The following KHDRBS2 variants were observed in gnomAD, a reference collection of about 807,000 sequenced individuals.
KHDRBS2 encodes the protein KH domain-containing, RNA-binding, signal transduction-associated protein 2.
Under a neutral mutation model 44.3 loss-of-function variants are expected in KHDRBS2, and 26 were observed. That is an observed-to-expected ratio of 0.59 (90% CI 0.43 to 0.81). The LOEUF (loss-of-function observed/expected upper bound fraction) is 0.81, where lower values mean the gene tolerates loss of function less well. Ranked by LOEUF, KHDRBS2 falls within the 40% of genes least tolerant of loss-of-function variation. The pLI is 0.00. For synonymous variants in KHDRBS2, 194 were observed against 151.1 expected (o/e 1.28, Z -2.08); for missense variants, 476 against 433.1 (o/e 1.10, Z -0.88).
rs186963278 is a variant in KHDRBS2, at chr6:62,088,401, G to A, written c.220-40407C>T. 1.9e-3 allele frequency among the ~76,000 whole-genome samples: 282 copies of A among 152,170 alleles called. 10 individuals are homozygous for A. The South Asian group carries it at 0.053, about 28-fold the overall frequency. On this transcript the variant is annotated intron_variant, in intron 2 of 8. Coordinates refer to ENST00000281156, the MANE Select transcript of KHDRBS2 (RefSeq NM_152688.4). ...GAGTTTTTGCATGGTCATTCTTTTC[G>A]TTGATGGTGATGCTATTGTTTTCTG... is the stretch of plus-strand genomic sequence containing the variant.
intron 4 of KHDRBS2, among the ~76,000 whole-genome samples, chr6:61,944,755 T>C (rs1413474950): frequency 6.6e-6 from 1 of 152,022 alleles, no homozygotes; most frequent in Non-Finnish European, 1.5e-5. Context: ...TAAAAAATAC[T>C]CACATGGACC....
At chr6:61,782,455 C>T (rs865936464) in intron 6 of KHDRBS2, among the ~76,000 whole-genome samples, 3 of 151,642 alleles carry the variant, frequency 2.0e-5, no homozygotes, top group Admixed American at 1.3e-4. Flanking sequence ...AGTGGAATTA[C>T]GTGGAAGTTT....
At chr6:62,267,597 G>A (rs759630491) in intron 1 of KHDRBS2, among the ~76,000 whole-genome samples, 12 of 151,986 alleles carry the variant, frequency 7.9e-5, no homozygotes, top group Non-Finnish European at 5.9e-5. Flanking sequence ...AGTGGAGCAC[G>A]TAAGCAAATT....
chr6:62,263,351 T>C (rs1563154855), intron 1 of KHDRBS2, among the ~76,000 whole-genome samples: 1 of 151,690 alleles, frequency 6.6e-6, no homozygotes, highest in Non-Finnish European at 1.5e-5. Context: ...GCAGCTACTG[T>C]AATATCAATT....
At chr6:61,830,834 A>T (rs889691881) in intron 6 of KHDRBS2, among the ~76,000 whole-genome samples, 8 of 152,224 alleles carry the variant, frequency 5.3e-5, no homozygotes, top group African/African-American at 1.9e-4. Context: ...ATAATAAAGT[A>T]AACATGATAT....
Position 61,860,816 on chromosome 6 carries a change from C to T in KHDRBS2, c.810+33819G>A, listed in dbSNP as rs555974639. Among the ~76,000 whole-genome samples the T allele has an allele frequency of 8.3e-4, 127 of 152,178 alleles. 1 individual carries two copies. In the Middle Eastern group the frequency reaches 0.017, roughly 20 times the overall value. ...CACACTGTCTTTCACAATGGTTGAA[C>T]TAATTTACTCTCCCACCAAAAGTGT... On this transcript the variant is annotated intron_variant, in intron 6 of 8. Coordinates refer to ENST00000281156, the MANE Select transcript of KHDRBS2 (RefSeq NM_152688.4).
intron 4 of KHDRBS2, among the ~76,000 whole-genome samples, chr6:61,956,351 A>G (rs2127390170): frequency 6.6e-6 from 1 of 152,328 alleles, no homozygotes; most frequent in East Asian, 1.9e-4. Context: ...CTTAAAAGAC[A>G]TCATAGGGGG....
At chr6:61,984,091 C>T (rs915114100) in intron 3 of KHDRBS2, among the ~76,000 whole-genome samples, 2 of 152,130 alleles carry the variant, frequency 1.3e-5, no homozygotes, top group Non-Finnish European at 2.9e-5. Flanking sequence ...GTTTGGGCCA[C>T]TCAAAAATTT....
intron 4 of KHDRBS2, among the ~76,000 whole-genome samples, chr6:61,931,827 C>T (rs900924746): frequency 6.6e-5 from 10 of 152,052 alleles, no homozygotes; most frequent in Non-Finnish European, 1.2e-4. Flanking sequence ...TCTTCTGCCT[C>T]TGCCATCCCT....
chr6:62,078,388 G>C (rs1796743981), intron 2 of KHDRBS2, among the ~76,000 whole-genome samples: 1 of 151,802 alleles, frequency 6.6e-6, no homozygotes, highest in Non-Finnish European at 1.5e-5. Flanking sequence ...TTATCAGAGA[G>C]GATAACATGT....
chr6:61,925,028 A>G (rs1808706210), intron 4 of KHDRBS2, among the ~76,000 whole-genome samples: 1 of 152,152 alleles, frequency 6.6e-6, no homozygotes, highest in Non-Finnish European at 1.5e-5. Context: ...AAGCCATTTA[A>G]TTATTTCACA....
At chr6:62,277,476 G>C (rs1426208679) in intron 1 of KHDRBS2, among the ~76,000 whole-genome samples, 1 of 152,020 alleles carries the variant, frequency 6.6e-6, no homozygotes, top group Non-Finnish European at 1.5e-5. Context: ...CGAGTAGCTG[G>C]GACTACAGGC....
At chr6:61,891,025 T>A (rs1801744465) in intron 6 of KHDRBS2, among the ~76,000 whole-genome samples, 1 of 152,184 alleles carries the variant, frequency 6.6e-6, no homozygotes, top group South Asian at 2.1e-4. Context: ...TATGTTTACT[T>A]TATTTTATAG....
intron 2 of KHDRBS2, among the ~76,000 whole-genome samples, chr6:62,112,170 C>A (rs1202891823): frequency 6.6e-6 from 1 of 152,016 alleles, no homozygotes; most frequent in Non-Finnish European, 1.5e-5. Context: ...TAAATCTCAC[C>A]TTTCATAATG....
intron 2 of KHDRBS2, among the ~76,000 whole-genome samples, chr6:62,171,570 G>A (rs560266146): frequency 1.3e-4 from 20 of 152,190 alleles, no homozygotes; most frequent in Non-Finnish European, 2.6e-4. Flanking sequence ...CCAAATTCAG[G>A]AAATGCAGAG....
chr6:62,000,940 TGACATACAAATA>T (rs1478690958), intron 3 of KHDRBS2, among the ~76,000 whole-genome samples: 3 of 152,194 alleles, frequency 2.0e-5, no homozygotes, highest in Non-Finnish European at 4.4e-5. Flanking sequence ...TATGTTTAGT[TGACATACAAATA>T]GTTCAAAAGA....
At chr6:61,546,684 C>G in the KHDRBS2 span, among the ~76,000 whole-genome samples, 1 of 152,030 alleles carries the variant, frequency 6.6e-6, no homozygotes, top group East Asian at 1.9e-4. Context: ...TATCAGTGGT[C>G]ACAGCGGTGG....
intron 8 of KHDRBS2, among the ~76,000 whole-genome samples, chr6:61,696,541 G>A (rs1018354533): frequency 3.9e-5 from 6 of 152,032 alleles, no homozygotes; most frequent in Non-Finnish European, 7.4e-5. Context: ...ACAGGGGTGA[G>A]CCACCACGCC....
chr6:62,058,002 T>C lies in KHDRBS2; in HGVS notation c.220-10008A>G, dbSNP rs144042644. On this transcript the variant is annotated intron_variant, in intron 2 of 8. Transcript: ENST00000281156. ...ACAGTTTAAAATTAAGTCACATCAATAATATTGGGCATATATATTTTTAAA... is the reference window on the plus strand; with the variant it reads ...ACAGTTTAAAATTAAGTCACATCAACAATATTGGGCATATATATTTTTAAA... 1.4e-4 allele frequency among the ~76,000 whole-genome samples: 22 copies of C among 152,092 alleles called. No homozygotes were observed. The East Asian group carries it at 3.9e-3, about 27-fold the overall frequency.
Sources: allele counts gnomAD v4.1 joint callset (sites outside exome capture counted in the v4.1 genomes callset), GRCh38; gene constraint gnomAD v4.1.1; transcripts MANE v1.5; gene names NCBI Gene and HGNC (gene_info 2026-07-23, HGNC 2026-07-21).